AK9: variants seen among roughly 807,000 people sequenced by gnomAD.
AK9 encodes the protein adenylate kinase domain containing 1.
AK9 carries 191 observed loss-of-function variants against 239.6 expected under a neutral mutation model. That is an observed-to-expected ratio of 0.80 (90% CI 0.71 to 0.90). The LOEUF is 0.90. AK9 is among the 40% of genes least tolerant of loss of function. AK9 has a pLI of 0.00. For missense variants in AK9, 1,995 were observed against 2,214.7 expected, an observed-to-expected ratio of 0.90 and a Z score of 1.99; for synonymous variants, 689 against 721.0, an observed-to-expected ratio of 0.96 and a Z score of 0.71.
At chr6:109,588,873 T>A (rs1789864729) in intron 17 of AK9, among the ~76,000 whole-genome samples, 1 of 152,238 alleles carries the variant, frequency 6.6e-6, no homozygotes, top group African/African-American at 2.4e-5. Context: ...TTGCCAAAGA[T>A]CACTTAGTTG....
intron 5 of AK9, among the ~76,000 whole-genome samples, chr6:109,665,764 C>T (rs1323452830): frequency 2.6e-5 from 4 of 152,202 alleles, no homozygotes; most frequent in African/African-American, 9.7e-5. Context: ...AGAGTCCTTG[C>T]CCTTGCCTTG....
intron 2 of AK9, among the ~76,000 whole-genome samples, chr6:109,675,327 A>G (rs889728142): frequency 2.0e-5 from 3 of 152,190 alleles, no homozygotes; most frequent in Admixed American, 2.0e-4. Flanking sequence ...AACATATAAC[A>G]TAGTATTGCG....
intron 29 of AK9, among the ~76,000 whole-genome samples, chr6:109,524,781 C>T (rs909949933): frequency 1.3e-5 from 2 of 152,102 alleles, no homozygotes; most frequent in African/African-American, 2.4e-5. Context: ...AAACACATCA[C>T]AACTAGAGCA....
chr6:109,645,223 C>T (rs533675651), intron 8 of AK9, among the ~76,000 whole-genome samples: 1 of 152,130 alleles, frequency 6.6e-6, no homozygotes, highest in Non-Finnish European at 1.5e-5. Flanking sequence ...GTGGGTGCAG[C>T]CCATGGAGGG....
chr6:109,603,855 G>A (rs1009056880), intron 17 of AK9, among the ~76,000 whole-genome samples: 6 of 152,176 alleles, frequency 3.9e-5, no homozygotes, highest in African/African-American at 1.2e-4. Context: ...CTCTCTGGGC[G>A]TGGGACCCTC....
intron 33 of AK9, among the ~76,000 whole-genome samples, chr6:109,507,407 G>A (rs1778223754): frequency 6.6e-6 from 1 of 152,148 alleles, no homozygotes; most frequent in African/African-American, 2.4e-5. Flanking sequence ...GAGGCTGGGA[G>A]TGCAGCTGGG....
intron 21 of AK9, among the ~76,000 whole-genome samples, chr6:109,572,925 A>C (rs2128195742): frequency 6.6e-6 from 1 of 152,260 alleles, no homozygotes; most frequent in East Asian, 1.9e-4. Context: ...CCACCAAATG[A>C]GACCTCTGAG....
intron 19 of AK9, 140 bp from the exon 20 acceptor site, chr6:109,579,766 C>A (rs1788582583): frequency 2.8e-6 from 2 of 714,332 alleles, no homozygotes; most frequent in African/African-American, 3.7e-5. Context: ...TTAAATTACT[C>A]ATGTTGAGAC....
At chr6:109,642,795 G>A (rs952221802) in intron 9 of AK9, among the ~76,000 whole-genome samples, 1 of 152,170 alleles carries the variant, frequency 6.6e-6, no homozygotes, top group Non-Finnish European at 1.5e-5. Context: ...CAGGGTGGTG[G>A]TGGTGAAGTT....
chr6:109,587,223 T>C (rs1205707264), intron 17 of AK9, among the ~76,000 whole-genome samples: 1 of 152,236 alleles, frequency 6.6e-6, no homozygotes, highest in African/African-American at 2.4e-5. Flanking sequence ...GACCTATAAA[T>C]GGTTAACACA....
At chr6:109,561,651 C>T (rs1316025476) in intron 24 of AK9, among the ~76,000 whole-genome samples, 1 of 152,066 alleles carries the variant, frequency 6.6e-6, no homozygotes, top group African/African-American at 2.4e-5. Flanking sequence ...AAAGATGTTG[C>T]TCCACTCTCT....
rs903502475 is a variant in AK9, at chr6:109,497,553, G to C, written c.5227C>G (p.Leu1743Val). The C allele has an allele frequency of 3.1e-6, 5 of 1,599,070 alleles. No homozygotes were observed. The highest frequency in any genetic ancestry group is 3.4e-6 in the Non-Finnish European group (4 of 1,168,626). The change falls in exon 38 of 41, where the codon CTA (leucine) becomes GTA (valine). Residue 1743 changes from leucine (L) to valine (V), a missense_variant. By Grantham distance (32) the Leu-to-Val change is conservative. Around this residue, in one of 5 missense-constraint regions of AK9, gnomAD observed 391 missense variants for 456.0 expected, o/e 0.86. Coordinates refer to ENST00000424296, the MANE Select transcript of AK9 (RefSeq NM_001145128.3). ...GCATAGTTAATGCTACCAGGTACTAGAGCTTCATATCTGGAAGACCAAAAA... is the reference window on the plus strand; with the variant it reads ...GCATAGTTAATGCTACCAGGTACTACAGCTTCATATCTGGAAGACCAAAAA... ...YKDGNQRYEALVPGSINYALE... is the reference protein window; with the variant it reads ...YKDGNQRYEAVVPGSINYALE...
chr6:109,600,563 G>T (rs963386849), intron 17 of AK9, among the ~76,000 whole-genome samples: 4 of 152,236 alleles, frequency 2.6e-5, no homozygotes, highest in African/African-American at 7.2e-5. Flanking sequence ...TCTCTGCCAG[G>T]CTTTGGTATC....
At chr6:109,620,786 T>C (rs946903702) in intron 12 of AK9, among the ~76,000 whole-genome samples, 21 of 151,420 alleles carry the variant, frequency 1.4e-4, no homozygotes, top group African/African-American at 4.8e-4. Flanking sequence ...TATACACATA[T>C]ACACCATATA....
intron 1 of AK9, among the ~76,000 whole-genome samples, chr6:109,686,988 C>G (rs144477102): frequency 6.6e-6 from 1 of 152,344 alleles, no homozygotes; most frequent in East Asian, 1.9e-4. Flanking sequence ...GCACCAATGT[C>G]TCTTTCAGCT....
intron 17 of AK9, among the ~76,000 whole-genome samples, chr6:109,599,659 C>T (rs530371684): frequency 1.1e-4 from 16 of 152,196 alleles, no homozygotes; most frequent in African/African-American, 1.9e-4. Context: ...TATAAATTAC[C>T]TTGGGCAGTA....
At chr6:109,686,420 C>T (rs1247280297) in intron 1 of AK9, among the ~76,000 whole-genome samples, 1 of 152,188 alleles carries the variant, frequency 6.6e-6, no homozygotes, top group African/African-American at 2.4e-5. Context: ...TTTTGCAGGC[C>T]TCTTTAGTTT....
chr6:109,645,412 C>T (rs769462917), intron 8 of AK9, among the ~76,000 whole-genome samples: 4 of 152,208 alleles, frequency 2.6e-5, no homozygotes, highest in Admixed American at 2.0e-4. Flanking sequence ...TTATATGCTG[C>T]GCCTGGCTCA....
chr6:109,493,675 G>A, intron 40 of AK9, 104 bp from the exon 41 acceptor site: 1 of 1,024,492 alleles, frequency 9.8e-7, no homozygotes, highest in Non-Finnish European at 1.4e-6. Context: ...AGTTATGGTT[G>A]AGAAGATATC....
Sources: allele counts gnomAD v4.1 joint callset (sites outside exome capture counted in the v4.1 genomes callset), GRCh38; gene constraint gnomAD v4.1.1; regional missense constraint gnomAD v4.1.1; transcripts MANE v1.5; gene names NCBI Gene and HGNC (gene_info 2026-07-23, HGNC 2026-07-21).